LEKR1: variants seen among roughly 807,000 people sequenced by gnomAD.
The protein encoded by LEKR1 is protein LEKR1.
In LEKR1, 59 loss-of-function variants were observed where a neutral mutation model predicts 72.4. The observed-to-expected ratio is 0.82, with a 90% CI of 0.66 to 1.01. The LOEUF is 1.01. Among genes scored for constraint, LEKR1 ranks in the 50% least tolerant of loss-of-function variants. LEKR1 has a pLI of 0.00. For synonymous variants in LEKR1, 257 were observed against 263.2 expected, an observed-to-expected ratio of 0.98 and a Z score of 0.23; for missense variants, 728 against 759.2, an observed-to-expected ratio of 0.96 and a Z score of 0.48.
chr3:157,035,117 G>A (rs1734869762), intron 12 of LEKR1, among the ~76,000 whole-genome samples: 1 of 152,134 alleles, frequency 6.6e-6, no homozygotes. Context: ...ACATTTTTTA[G>A]ACTTAATGCT....
intron 9 of LEKR1, among the ~76,000 whole-genome samples, chr3:157,003,859 C>G (rs986086783): frequency 6.6e-6 from 1 of 150,532 alleles, no homozygotes; most frequent in African/African-American, 2.5e-5. Context: ...AATAAGCCAA[C>G]AAAAGAGATA....
intron 10 of LEKR1, chr3:157,017,305 C>T (rs1050823465): frequency 6.6e-6 from 1 of 152,194 alleles, no homozygotes; most frequent in Non-Finnish European, 1.5e-5. Flanking sequence ...AAAAATGCAA[C>T]ACCTTACTAT....
chr3:156,855,402 ATTTG>A (rs1553787036), intron 3 of LEKR1, among the ~76,000 whole-genome samples: 4 of 152,124 alleles, frequency 2.6e-5, no homozygotes, highest in South Asian at 2.1e-4. Flanking sequence ...GAAGCTGAAC[ATTTG>A]TTTGTGTATT....
chr3:156,839,012 G>A (rs1052985553), intron 2 of LEKR1, among the ~76,000 whole-genome samples: 1 of 152,070 alleles, frequency 6.6e-6, no homozygotes, highest in Non-Finnish European at 1.5e-5. Flanking sequence ...AAACAAAAGT[G>A]CCCTATTCTG....
At chr3:156,854,531 CTT>C (rs1715802448) in intron 3 of LEKR1, among the ~76,000 whole-genome samples, 2 of 149,710 alleles carry the variant, frequency 1.3e-5, no homozygotes, top group African/African-American at 4.9e-5. Flanking sequence ...TTTCTTTTCT[CTT>C]TTCTTTCTTT....
Position 156,840,110 on chromosome 3 carries a change from T to G in LEKR1, c.48+10733T>G, listed in dbSNP as rs1713710210. ...TTCCTCTTTCTTATGATGATTTTCT[T>G]AACATTTTCTTTTCTCTAGCTTACT... On this transcript the variant is annotated intron_variant, in intron 2 of 12. Transcript: ENST00000356539. Among the ~76,000 whole-genome samples, 3 of 152,336 alleles carry G rather than the reference T, an allele frequency of 2.0e-5. No individual in the cohort carries two copies. In the South Asian group the frequency reaches 6.2e-4, roughly 32 times the overall value.
intron 12 of LEKR1, among the ~76,000 whole-genome samples, chr3:157,041,915 A>G (rs1362891789): frequency 6.6e-6 from 1 of 152,206 alleles, no homozygotes; most frequent in African/African-American, 2.4e-5. Flanking sequence ...TTCACGTATG[A>G]TGGAATTTTC....
chr3:157,042,091 A>G (rs868190571), intron 12 of LEKR1, among the ~76,000 whole-genome samples: 19 of 152,352 alleles, frequency 1.2e-4, no homozygotes, highest in African/African-American at 4.6e-4. Context: ...TGAACAAAAC[A>G]GAGTTATAAT....
chr3:156,869,482 T>C (rs150242941), intron 3 of LEKR1, among the ~76,000 whole-genome samples: 151 of 152,156 alleles, frequency 9.9e-4, no homozygotes, highest in African/African-American at 3.5e-3. Flanking sequence ...ATACCTGTTA[T>C]CTATTTGTAT....
chr3:156,934,703 C>CA (rs898202117), intron 5 of LEKR1, among the ~76,000 whole-genome samples: 8 of 150,250 alleles, frequency 5.3e-5, no homozygotes, highest in African/African-American at 2.0e-4. Context: ...AGAAAAGGGG[C>CA]AAAAAAAAGA....
chr3:156,887,084 A>G (rs1014545490), intron 3 of LEKR1, among the ~76,000 whole-genome samples: 1 of 152,148 alleles, frequency 6.6e-6, no homozygotes, highest in Non-Finnish European at 1.5e-5. Flanking sequence ...CTTCCTTAAT[A>G]TCAATATTTT....
intron 1 of LEKR1, 139 bp from the exon 2 acceptor site, chr3:156,829,147 C>A: frequency 1.9e-6 from 1 of 527,544 alleles, no homozygotes; most frequent in South Asian, 2.6e-5. Flanking sequence ...TACCTTCTAA[C>A]ATTGAGCTGA....
At chr3:156,970,167 G>A (rs565035416) in intron 6 of LEKR1, among the ~76,000 whole-genome samples, 10,811 of 152,132 alleles carry the variant, frequency 0.071, 487 homozygotes, top group African/African-American at 0.12. Flanking sequence ...CCAATATCAT[G>A]CTGAATGGGC....
At chr3:157,032,853 T>G (rs1021936944) in intron 12 of LEKR1, among the ~76,000 whole-genome samples, 1 of 151,772 alleles carries the variant, frequency 6.6e-6, no homozygotes, top group African/African-American at 2.4e-5. Flanking sequence ...GCAACCCCTA[T>G]GTCGAGAAAG....
chr3:156,966,848 C>T (rs1728653689), intron 6 of LEKR1, among the ~76,000 whole-genome samples: 3 of 152,292 alleles, frequency 2.0e-5, no homozygotes, highest in South Asian at 4.1e-4. Flanking sequence ...GGTCCCTGAC[C>T]TCCAAGTAGC....
chr3:156,830,158 A>G (rs140522129), intron 2 of LEKR1, among the ~76,000 whole-genome samples: 22 of 152,334 alleles, frequency 1.4e-4, no homozygotes, highest in African/African-American at 5.3e-4. Context: ...CAAATGTAAT[A>G]ATTTTGTAGC....
chr3:156,987,832 TTAGTC>T (rs1730830577), intron 7 of LEKR1, among the ~76,000 whole-genome samples: 1 of 152,188 alleles, frequency 6.6e-6, no homozygotes, highest in Admixed American at 6.5e-5. Context: ...TCTATTTTAA[TTAGTC>T]TAGTAGGCCA....
intron 12 of LEKR1, among the ~76,000 whole-genome samples, chr3:157,034,684 T>G (rs999343557): frequency 1.3e-5 from 2 of 152,264 alleles, no homozygotes; most frequent in Non-Finnish European, 2.9e-5. Flanking sequence ...TTGAGAGGAT[T>G]GACTCCAATT....
chr3:156,847,733 G>A (rs986340866), intron 2 of LEKR1, among the ~76,000 whole-genome samples: 4 of 152,110 alleles, frequency 2.6e-5, no homozygotes, highest in Admixed American at 2.6e-4. Flanking sequence ...CTTACTTAAT[G>A]ATTCAGGTAA....
Sources: allele counts gnomAD v4.1 joint callset (sites outside exome capture counted in the v4.1 genomes callset), GRCh38; gene constraint gnomAD v4.1.1; transcripts MANE v1.5; gene names NCBI Gene and HGNC (gene_info 2026-07-23, HGNC 2026-07-21).